The following MIPOL1 variants were observed in gnomAD, a reference collection of about 807,000 sequenced individuals.
MIPOL1 encodes the protein mirror-image polydactyly gene 1 protein.
MIPOL1 carries 57 observed loss-of-function variants against 60.9 expected under a neutral mutation model. The observed-to-expected ratio is 0.94, with a 90% CI of 0.76 to 1.17. The LOEUF is 1.17. Ranked by LOEUF, MIPOL1 falls within the 50% of genes most tolerant of loss-of-function variation. The pLI is 0.00. For synonymous variants in MIPOL1, 179 were observed against 168.8 expected, an observed-to-expected ratio of 1.06 and a Z score of -0.47; for missense variants, 551 against 511.6, an observed-to-expected ratio of 1.08 and a Z score of -0.74.
chr14:37,239,078 C>A (rs1203348657), intron 1 of MIPOL1, among the ~76,000 whole-genome samples: 3 of 131,190 alleles, frequency 2.3e-5, no homozygotes, highest in South Asian at 2.3e-4. Flanking sequence ...GAGATGGAGT[C>A]TGACTCTGTT....
intron 11 of MIPOL1, among the ~76,000 whole-genome samples, chr14:37,495,023 T>A (rs1226123418): frequency 6.6e-6 from 1 of 151,562 alleles, no homozygotes. Flanking sequence ...AAGTGAGGAG[T>A]GATTAGGAAA....
intron 10 of MIPOL1, among the ~76,000 whole-genome samples, chr14:37,376,496 C>CT (rs35654240): frequency 1.3e-5 from 2 of 151,790 alleles, no homozygotes; most frequent in East Asian, 1.9e-4. Context: ...TTTATAGCTC[C>CT]TTTTTTTAAA....
chr14:37,541,930 A>G (rs1478908767), intron 12 of MIPOL1, among the ~76,000 whole-genome samples: 2 of 152,174 alleles, frequency 1.3e-5, no homozygotes, highest in Non-Finnish European at 2.9e-5. Context: ...CCCATAGTCT[A>G]TCAACACATT....
At chr14:37,309,239 G>T (rs1039708884) in intron 9 of MIPOL1, among the ~76,000 whole-genome samples, 6 of 151,786 alleles carry the variant, frequency 4.0e-5, no homozygotes, top group Non-Finnish European at 7.4e-5. Context: ...AAGTGTTGGG[G>T]ATTACAGGCA....
At chr14:37,509,326 G>GTA (rs1371276836) in intron 12 of MIPOL1, among the ~76,000 whole-genome samples, 1 of 151,582 alleles carries the variant, frequency 6.6e-6, no homozygotes, top group East Asian at 1.9e-4. Flanking sequence ...GTATGCATGT[G>GTA]TATATATATC....
At chr14:37,458,811 C>T (rs1033416030) in intron 11 of MIPOL1, among the ~76,000 whole-genome samples, 15 of 151,796 alleles carry the variant, frequency 9.9e-5, no homozygotes, top group Admixed American at 4.6e-4. Flanking sequence ...GAGATTGTGC[C>T]GCTGCACTCC....
intron 7 of MIPOL1, among the ~76,000 whole-genome samples, chr14:37,295,912 A>G (rs1360432365): frequency 1.3e-5 from 2 of 152,134 alleles, no homozygotes; most frequent in South Asian, 4.1e-4. Context: ...GAAAGTTAAC[A>G]AGGATATCCA....
intron 11 of MIPOL1, among the ~76,000 whole-genome samples, chr14:37,499,291 G>A (rs544615620): frequency 3.2e-4 from 49 of 151,998 alleles, no homozygotes; most frequent in African/African-American, 1.1e-3. Flanking sequence ...TTCTCTGTAT[G>A]ACTTAATGAG....
At chr14:37,307,491 CA>C (rs1257028364) in intron 7 of MIPOL1, among the ~76,000 whole-genome samples, 3 of 151,860 alleles carry the variant, frequency 2.0e-5, no homozygotes, top group Non-Finnish European at 4.4e-5. Context: ...AATAATTCTA[CA>C]TATATTATGA....
chr14:37,528,878 G>A (rs1594890563), intron 12 of MIPOL1, among the ~76,000 whole-genome samples: 1 of 152,130 alleles, frequency 6.6e-6, no homozygotes, highest in East Asian at 1.9e-4. Flanking sequence ...GAGAGAGAAG[G>A]TTTGGACAGT....
intron 9 of MIPOL1, among the ~76,000 whole-genome samples, chr14:37,354,148 C>G (rs2091622893): frequency 6.6e-6 from 1 of 151,592 alleles, no homozygotes; most frequent in African/African-American, 2.4e-5. Flanking sequence ...TTATTTCTGC[C>G]TTCATTTCGT....
intron 1 of MIPOL1, among the ~76,000 whole-genome samples, chr14:37,211,721 C>A (rs1415238263): frequency 6.6e-6 from 1 of 152,110 alleles, no homozygotes; most frequent in Non-Finnish European, 1.5e-5. Context: ...GGGCATGTGA[C>A]ATACTGAGAC....
At chr14:37,304,083 T>C (rs1248368544) in intron 7 of MIPOL1, among the ~76,000 whole-genome samples, 1 of 151,786 alleles carries the variant, frequency 6.6e-6, no homozygotes, top group Non-Finnish European at 1.5e-5. Context: ...GACCAATGCA[T>C]AACTGTTTTT....
chr14:37,307,220 A>G (rs751194494), intron 7 of MIPOL1, among the ~76,000 whole-genome samples: 2 of 151,958 alleles, frequency 1.3e-5, no homozygotes, highest in Non-Finnish European at 2.9e-5. Context: ...ACTTTTTAGT[A>G]TAATTTTAAA....
At chr14:37,217,524 C>A (rs555892157) in intron 1 of MIPOL1, among the ~76,000 whole-genome samples, 83 of 152,108 alleles carry the variant, frequency 5.5e-4, no homozygotes, top group Non-Finnish European at 1.0e-3. Flanking sequence ...GTTCAGCAAT[C>A]CATTTGAAAG....
At position 37,534,358 on chromosome 14, in the gene MIPOL1, A is replaced by G. The variant is rs2095496267; in HGVS notation, c.1263-12547A>G. Among the ~76,000 whole-genome samples, 4 of 152,336 alleles carry G rather than the reference A, an allele frequency of 2.6e-5. No individual in the cohort carries two copies. In the South Asian group the frequency reaches 8.3e-4, roughly 32 times the overall value. On this transcript the variant is annotated intron_variant, in intron 12 of 12. Transcript: ENST00000684589. Reference sequence around the variant, plus strand: ...TCTGCAAAGGTTATTGACAAAATATATACTACAAATCTTCACATTAATTAA... The same window carrying G: ...TCTGCAAAGGTTATTGACAAAATATGTACTACAAATCTTCACATTAATTAA...
chr14:37,316,269 G>T (rs749147544), intron 9 of MIPOL1, among the ~76,000 whole-genome samples: 2 of 152,020 alleles, frequency 1.3e-5, no homozygotes, highest in Non-Finnish European at 2.9e-5. Flanking sequence ...GACCTCAGGT[G>T]ATCCACCCGC....
chr14:37,536,157 T>G (rs1475017417), intron 12 of MIPOL1, among the ~76,000 whole-genome samples: 1 of 152,342 alleles, frequency 6.6e-6, no homozygotes. Flanking sequence ...ATCAACAAAC[T>G]AATTCATACC....
chr14:37,527,968 G>GA (rs555932990), intron 12 of MIPOL1, among the ~76,000 whole-genome samples: 13 of 150,240 alleles, frequency 8.7e-5, no homozygotes, highest in Admixed American at 2.0e-4. Context: ...AGAATAGGAT[G>GA]AAAAAAAAAG....
Sources: gnomAD v4.1 joint callset for allele counts (sites outside exome capture counted in the v4.1 genomes callset) on GRCh38, gnomAD v4.1.1 for gene constraint, MANE v1.5 for transcripts, NCBI Gene and HGNC (gene_info 2026-07-23, HGNC 2026-07-21) for gene names.